Variants in WASF2 observed in about 807,000 individuals in gnomAD.
WASF2 encodes WASP family member 2, also known as actin-binding protein WASF2.
In WASF2, 14 loss-of-function variants were observed where a neutral mutation model predicts 45.0. The ratio of observed to expected loss-of-function variants is 0.31; its 90% CI spans 0.21 to 0.49. WASF2 has a LOEUF of 0.49. Among genes scored for constraint, WASF2 ranks in the 20% least tolerant of loss-of-function variants. WASF2 has a pLI of 0.99. For synonymous variants in WASF2, 200 were observed against 236.3 expected (o/e 0.85, Z 1.41); for missense variants, 439 against 636.1 (o/e 0.69, Z 3.33).
intron 1 of WASF2, among the ~76,000 whole-genome samples, chr1:27,487,597 AAT>A (rs1466730408): frequency 4.0e-5 from 4 of 98,908 alleles, no homozygotes; most frequent in African/African-American, 1.3e-4. Flanking sequence ...TATTTTATAT[AAT>A]ATATAATATA....
chr1:27,467,120 G>A (rs1052184678), intron 1 of WASF2, among the ~76,000 whole-genome samples: 10 of 150,754 alleles, frequency 6.6e-5, no homozygotes, highest in Non-Finnish European at 1.3e-4. Context: ...AAGCTGAGGT[G>A]GGAGGGTCAC....
intron 1 of WASF2, among the ~76,000 whole-genome samples, chr1:27,468,362 C>A (rs1333766372): frequency 1.3e-5 from 2 of 151,754 alleles, no homozygotes; most frequent in Admixed American, 6.6e-5. Context: ...AAGAACTGAC[C>A]AGGCGTAGTG....
At chr1:27,413,454 T>C (rs906573160) in intron 6 of WASF2, among the ~76,000 whole-genome samples, 2 of 152,150 alleles carry the variant, frequency 1.3e-5, no homozygotes, top group African/African-American at 2.4e-5. Flanking sequence ...CCTCCCCCTC[T>C]TTCCACCATT....
intron 1 of WASF2, among the ~76,000 whole-genome samples, chr1:27,465,353 T>C (rs968883457): frequency 6.6e-6 from 1 of 152,176 alleles, no homozygotes; most frequent in African/African-American, 2.4e-5. Flanking sequence ...TAAAGTTAAT[T>C]TGCACACCAT....
chr1:27,418,472 A>G, intron 3 of WASF2, 50 bp from the exon 4 acceptor site: 1 of 1,613,214 alleles, frequency 6.2e-7, no homozygotes, highest in Non-Finnish European at 8.5e-7. Flanking sequence ...CTATTTGAGC[A>G]AACACTGAGT....
At position 27,460,992 on chromosome 1, in the gene WASF2, A is replaced by C. The variant is rs546656840; in HGVS notation, c.-44+28994T>G. Among the ~76,000 whole-genome samples the C allele has an allele frequency of 3.2e-4, 48 of 152,098 alleles. 1 individual carries two copies. The South Asian group carries it at 6.5e-3, about 20-fold the overall frequency. The stretch of plus-strand genomic sequence containing the variant: ...AAATCCCGTCTCTATTAAATATACA[A>C]AAAATTATCTGGGGGTGTTTGTGGG... On this transcript the variant is annotated intron_variant, in intron 1 of 8. Transcript: ENST00000618852.
chr1:27,430,064 T>C (rs1353157789), intron 1 of WASF2, among the ~76,000 whole-genome samples: 2 of 152,212 alleles, frequency 1.3e-5, no homozygotes, highest in Non-Finnish European at 2.9e-5. Flanking sequence ...TCTTATCCGG[T>C]GGGCTGAGCC....
intron 1 of WASF2, among the ~76,000 whole-genome samples, chr1:27,456,525 G>A (rs2017470087): frequency 6.6e-6 from 1 of 152,064 alleles, no homozygotes; most frequent in Non-Finnish European, 1.5e-5. Flanking sequence ...CCATTTTAAT[G>A]TAGGGGACAA....
chr1:27,463,146 C>T (rs2017569547), intron 1 of WASF2, among the ~76,000 whole-genome samples: 1 of 152,016 alleles, frequency 6.6e-6, no homozygotes. Context: ...GAATGGCAGA[C>T]TTCATATAAG....
chr1:27,437,140 C>A (rs187216843), intron 1 of WASF2, among the ~76,000 whole-genome samples: 1 of 152,304 alleles, frequency 6.6e-6, no homozygotes, highest in Admixed American at 6.5e-5. Flanking sequence ...TACCCTTTTA[C>A]ACTTAAGGGT....
intron 1 of WASF2, among the ~76,000 whole-genome samples, chr1:27,444,990 A>T (rs2017293084): frequency 6.6e-6 from 1 of 152,192 alleles, no homozygotes; most frequent in Admixed American, 6.5e-5. Flanking sequence ...AACCTCTTTT[A>T]TAGCAGTCAC....
At chr1:27,463,804 AT>A (rs1553151290) in intron 1 of WASF2, among the ~76,000 whole-genome samples, 3,073 of 137,116 alleles carry the variant, frequency 0.022, 92 homozygotes, top group African/African-American at 0.071. Context: ...TATTATTATT[AT>A]TTTTTTTTTT....
chr1:27,412,796 TA>T, intron 6 of WASF2, 69 bp from the exon 7 acceptor site: 1 of 1,577,274 alleles, frequency 6.3e-7, no homozygotes, highest in South Asian at 1.1e-5. Flanking sequence ...TCTTAAAAGG[TA>T]CTACAAAAAT....
chr1:27,487,164 G>A (rs1219899468), intron 1 of WASF2, among the ~76,000 whole-genome samples: 5 of 146,190 alleles, frequency 3.4e-5, no homozygotes, highest in Admixed American at 1.4e-4. Flanking sequence ...GCAGTGGTGC[G>A]ATCTCGGTTC....
At chr1:27,462,014 G>A (rs1293697061) in intron 1 of WASF2, among the ~76,000 whole-genome samples, 1 of 138,540 alleles carries the variant, frequency 7.2e-6, no homozygotes, top group Non-Finnish European at 1.5e-5. Flanking sequence ...GTCTCGCTCT[G>A]TCACCCAGGC....
rs1028969220 is a variant in WASF2 at position 27,405,886 on chromosome 1, C to T, written c.*2303G>A. On this transcript the variant is annotated 3_prime_UTR_variant, in exon 9 of 9. Coordinates refer to ENST00000618852, the MANE Select transcript of WASF2 (RefSeq NM_006990.5). The stretch of plus-strand genomic sequence containing the variant: ...TGAGCTAATGATCTAATCCTACCTT[C>T]CGCAGGCAGTGCCCCTCCCCACCTC... The T allele has an allele frequency of 1.3e-5, 2 of 152,418 alleles. No homozygotes were observed. The highest frequency in any genetic ancestry group is 4.8e-5 in the African/African-American group (2 of 41,380). 9.4% of individuals were successfully genotyped at this position (152,418 alleles called of 1,614,324 possible).
rs150021583 is a variant in WASF2 at position 27,482,203 on chromosome 1, T to C, written c.-44+7783A>G. Among the ~76,000 whole-genome samples, 12 of 152,334 alleles carry C rather than the reference T, an allele frequency of 7.9e-5. No individual in the cohort carries two copies. The East Asian group carries it at 2.1e-3, about 27-fold the overall frequency. ...CATGAATGATTATAATGTTATATTG[T>C]ACAGAGTTGGCCAAAAGAGAATGAA... On this transcript the variant is annotated intron_variant, in intron 1 of 8. Coordinates refer to ENST00000618852, the MANE Select transcript of WASF2 (RefSeq NM_006990.5).
chr1:27,438,297 G>C, intron 1 of WASF2, among the ~76,000 whole-genome samples: 1 of 152,188 alleles, frequency 6.6e-6, no homozygotes, highest in East Asian at 1.9e-4. Flanking sequence ...TACTGTACTA[G>C]GTTAAACTTC....
At chr1:27,471,130 G>A (rs924437537) in intron 1 of WASF2, among the ~76,000 whole-genome samples, 5 of 152,034 alleles carry the variant, frequency 3.3e-5, no homozygotes, top group Non-Finnish European at 5.9e-5. Context: ...GGATCACGAG[G>A]TCAGGAGATC....
Sources: gnomAD v4.1 joint callset for allele counts (sites outside exome capture counted in the v4.1 genomes callset) on GRCh38, gnomAD v4.1.1 for gene constraint, MANE v1.5 for transcripts, NCBI Gene and HGNC (gene_info 2026-07-23, HGNC 2026-07-21) for gene names.